LRP1B: variants seen among roughly 807,000 people sequenced by gnomAD.
LRP1B encodes LDL receptor related protein 1B.
A neutral mutation model predicts 556.6 loss-of-function variants in LRP1B; 217 were observed. The ratio of observed to expected loss-of-function variants is 0.39; its 90% confidence interval spans 0.35 to 0.44. The LOEUF (loss-of-function observed/expected upper bound fraction) is 0.44, where lower values mean the gene tolerates loss of function less well. Among genes scored for constraint, LRP1B ranks in the 20% least tolerant of loss-of-function variants. LRP1B has a pLI of 1.00. For synonymous variants in LRP1B, 2,047 were observed against 1,865.8 expected (o/e 1.10, Z -2.50); for missense variants, 5,053 against 5,620.8 (o/e 0.90, Z 3.23).
At chr2:141,480,048 C>T (rs1189891733) in intron 3 of LRP1B, among the ~76,000 whole-genome samples, 3 of 152,224 alleles carry the variant, frequency 2.0e-5, no homozygotes, top group African/African-American at 4.8e-5. Flanking sequence ...GCTTATAACA[C>T]GATGTGATAT....
chr2:141,069,896 G>A (rs1402811057), intron 7 of LRP1B, among the ~76,000 whole-genome samples: 1 of 151,746 alleles, frequency 6.6e-6, no homozygotes, highest in Non-Finnish European at 1.5e-5. Context: ...CTGGTGTGCT[G>A]TACCCATTAA....
At position 141,544,469 on chromosome 2, in the gene LRP1B, G is replaced by T. The variant is rs955409004; in HGVS notation, c.206-63936C>A. On this transcript the variant is annotated intron_variant, in intron 2 of 90. Coordinates refer to ENST00000389484, the MANE Select transcript of LRP1B (RefSeq NM_018557.3). Reference sequence around the variant, plus strand: ...CCTCCTCCTTCTTTTTTTAGAGGAGGTGTGTCTCACTATGTTGTGCAATCA... The same window carrying T: ...CCTCCTCCTTCTTTTTTTAGAGGAGTTGTGTCTCACTATGTTGTGCAATCA... Among the ~76,000 whole-genome samples the T allele has an allele frequency of 2.6e-4, 38 of 143,670 alleles. 1 individual carries two copies. Among genetic ancestry groups the T allele is most frequent in the Non-Finnish European group, 6.0e-5 (4 of 66,524 alleles). The allele number at this position is 143,670 out of a possible 152,430, so 94.3% of individuals were successfully genotyped here.
intron 2 of LRP1B, among the ~76,000 whole-genome samples, chr2:141,582,828 T>A (rs1219235912): frequency 2.5e-4 from 2 of 7,872 alleles, no homozygotes; most frequent in African/African-American, 1.6e-4. Context: ...CCTATTAAAC[T>A]TTTTTTTTTT....
chr2:140,323,672 A>G (rs1012387027), intron 81 of LRP1B, among the ~76,000 whole-genome samples: 4 of 152,026 alleles, frequency 2.6e-5, no homozygotes, highest in African/African-American at 4.8e-5. Context: ...TTTAATTTCA[A>G]GAAAACATGG....
At chr2:141,545,310 CTGT>C (rs1182934172) in intron 2 of LRP1B, among the ~76,000 whole-genome samples, 1 of 152,152 alleles carries the variant, frequency 6.6e-6, no homozygotes, top group African/African-American at 2.4e-5. Flanking sequence ...CACTTCCACA[CTGT>C]TGTTTTCTAT....
chr2:140,854,045 TC>T (rs796697474), intron 27 of LRP1B, among the ~76,000 whole-genome samples: 3 of 110,662 alleles, frequency 2.7e-5, no homozygotes, highest in African/African-American at 1.1e-4. Flanking sequence ...AAACTCAAAT[TC>T]CCCCATATCT....
chr2:141,253,791 C>T (rs1472904941), intron 4 of LRP1B, among the ~76,000 whole-genome samples: 5 of 151,678 alleles, frequency 3.3e-5, no homozygotes, highest in Non-Finnish European at 7.4e-5. Context: ...CACTCACACA[C>T]GCGGAAGGAA....
chr2:141,958,731 A>G (rs1701329559), intron 1 of LRP1B, among the ~76,000 whole-genome samples: 1 of 151,964 alleles, frequency 6.6e-6, no homozygotes, highest in Non-Finnish European at 1.5e-5. Context: ...CATTACCTAC[A>G]TTCTGCTGCA....
intron 66 of LRP1B, among the ~76,000 whole-genome samples, chr2:140,393,078 C>A (rs1465041622): frequency 1.3e-5 from 2 of 151,958 alleles, no homozygotes; most frequent in African/African-American, 2.4e-5. Flanking sequence ...TACGCACACA[C>A]CACCAAGCCT....
At chr2:140,426,657 C>T (rs1240564558) in intron 66 of LRP1B, among the ~76,000 whole-genome samples, 1 of 152,132 alleles carries the variant, frequency 6.6e-6, no homozygotes, top group Non-Finnish European at 1.5e-5. Context: ...TTTCCTTTAC[C>T]TACCCAAATC....
rs180910179 is a variant in LRP1B at position 142,071,236 on chromosome 2, G to A, written c.82+59412C>T. Among the ~76,000 whole-genome samples, 347 of 152,000 alleles carry A rather than the reference G, an allele frequency of 2.3e-3. 1 individual carries two copies. The highest frequency in any genetic ancestry group is 8.0e-3 in the African/African-American group (331 of 41,516). On this transcript the variant is annotated intron_variant, in intron 1 of 90. Transcript: ENST00000389484. ...GTTGCAAATTTTAACTGGTTGGTAG[G>A]CAGCTACTACAAAAGTCAGGGCTAA...
chr2:141,873,438 G>T (rs1473150274), intron 1 of LRP1B, among the ~76,000 whole-genome samples: 1 of 151,982 alleles, frequency 6.6e-6, no homozygotes, highest in Non-Finnish European at 1.5e-5. Context: ...GCATTGCTTT[G>T]TTGGGAATCA....
At chr2:140,946,809 G>A (rs995070217) in intron 20 of LRP1B, among the ~76,000 whole-genome samples, 1 of 152,178 alleles carries the variant, frequency 6.6e-6, no homozygotes, top group Non-Finnish European at 1.5e-5. Context: ...TAAAGGAAAT[G>A]TGATACATGT....
intron 41 of LRP1B, among the ~76,000 whole-genome samples, chr2:140,677,781 C>T (rs1477014843): frequency 3.4e-5 from 5 of 147,998 alleles, no homozygotes; most frequent in South Asian, 2.2e-4. Context: ...GAGGCTGAGG[C>T]GGGAGAATCG....
intron 7 of LRP1B, among the ~76,000 whole-genome samples, chr2:141,163,592 T>C (rs1680123419): frequency 6.6e-6 from 1 of 152,018 alleles, no homozygotes; most frequent in African/African-American, 2.4e-5. Flanking sequence ...AGGGACTTGG[T>C]GGGAGATACT....
intron 25 of LRP1B, among the ~76,000 whole-genome samples, chr2:140,871,639 T>A (rs1693132962): frequency 6.6e-6 from 1 of 152,132 alleles, no homozygotes; most frequent in Non-Finnish European, 1.5e-5. Flanking sequence ...CATGGAGATG[T>A]GAAAGGAAAA....
rs918186602 is a variant in LRP1B at position 142,130,671 on chromosome 2, A to G, written c.59T>C (p.Val20Ala). Residue 20 changes from valine to alanine, a missense_variant, in exon 1 of 91, where the codon GTG becomes GCG. By Grantham distance (64) the Val-to-Ala change is moderately conservative (BLOSUM62 0). Transcript: ENST00000389484. ...TLSGLLPIAR[V>A]LTVGADRDQQ... The stretch of plus-strand genomic sequence containing the variant: ...ACCTCGGTCGGCTCCCACGGTCAGC[A>G]CCCTGGCAATCGGCAATAATCCCGA... 1 of 1,613,358 alleles carries G rather than the reference A, an allele frequency of 6.2e-7. No homozygotes were observed. The highest frequency in any genetic ancestry group is 8.5e-7 in the Non-Finnish European group (1 of 1,179,706).
At chr2:142,067,328 A>T (rs1559052447) in intron 1 of LRP1B, among the ~76,000 whole-genome samples, 1 of 151,460 alleles carries the variant, frequency 6.6e-6, no homozygotes, top group African/African-American at 2.4e-5. Context: ...TCTGCCTACC[A>T]TGAGCATAGA....
At chr2:140,929,156 C>A (rs771460026) in intron 20 of LRP1B, among the ~76,000 whole-genome samples, 14 of 151,942 alleles carry the variant, frequency 9.2e-5, no homozygotes, top group Admixed American at 2.0e-4. Context: ...AGTCCAGATG[C>A]AAAATGGGAG....
Sources: gnomAD v4.1 joint callset for allele counts (sites outside exome capture counted in the v4.1 genomes callset) on GRCh38, gnomAD v4.1.1 for gene constraint, MANE v1.5 for transcripts, NCBI Gene and HGNC (gene_info 2026-07-23, HGNC 2026-07-21) for gene names.